AOPEP: variants seen among roughly 807,000 people sequenced by gnomAD.
AOPEP encodes aminopeptidase O.
Under a neutral mutation model 98.1 loss-of-function variants are expected in AOPEP, and 77 were observed. That is an observed-to-expected ratio of 0.78 (90% CI 0.65 to 0.95). The LOEUF (loss-of-function observed/expected upper bound fraction) is 0.95. Among genes scored for constraint, AOPEP ranks in the 40% least tolerant of loss-of-function variants. The pLI, the probability that AOPEP is intolerant of heterozygous loss-of-function variation, is 0.00. For missense variants in AOPEP, 1,024 were observed against 1,024.7 expected (o/e 1.00, Z 0.01); for synonymous variants, 346 against 365.3 (o/e 0.95, Z 0.60).
chr9:95,125,250 A>G, the AOPEP span: 450 of 1,312,298 alleles, frequency 3.4e-4, 9 homozygotes, highest in South Asian at 5.2e-3. Flanking sequence ...GAAAACCTGC[A>G]CTGTATAAGG....
chr9:94,943,540 G>A (rs1180091029), intron 7 of AOPEP, among the ~76,000 whole-genome samples: 1 of 151,592 alleles, frequency 6.6e-6, no homozygotes, highest in African/African-American at 2.4e-5. Flanking sequence ...GTTGCAGTGA[G>A]CTGAGATCGT....
At chr9:94,962,620 A>G (rs148520342) in intron 9 of AOPEP, among the ~76,000 whole-genome samples, 2 of 152,138 alleles carry the variant, frequency 1.3e-5, no homozygotes, top group East Asian at 1.9e-4. Context: ...ATGAAGGTCT[A>G]TGATCCAGTT....
At chr9:94,896,910 G>GT (rs55947017) in intron 5 of AOPEP, among the ~76,000 whole-genome samples, 2,584 of 115,870 alleles carry the variant, frequency 0.022, 83 homozygotes, top group African/African-American at 0.071. Context: ...ACTTTTGTGG[G>GT]TTTTTTTTTT....
downstream of AOPEP, among the ~76,000 whole-genome samples, chr9:95,087,735 T>C: frequency 6.6e-6 from 1 of 152,172 alleles, no homozygotes; most frequent in South Asian, 2.1e-4. Flanking sequence ...GTTTAGGGTA[T>C]AGACAGAAGC....
rs572134268 is a variant in AOPEP, at chr9:95,086,788, C to T, written c.*111C>T. 5 of 988,020 alleles carry T rather than the reference C, an allele frequency of 5.1e-6. No homozygotes were observed. The highest frequency in any genetic ancestry group is 1.1e-4 in the East Asian group (1 of 8,780). 61.2% of individuals were successfully genotyped at this position (988,020 alleles called of 1,614,324 possible). A position where few individuals can be genotyped will look rare whatever the true frequency, so the allele number is the denominator to read the frequency against. On this transcript the variant is annotated 3_prime_UTR_variant, in exon 17 of 17. Transcript: ENST00000375315. ...GGGATTATGTGGCTGCTAAAGCCATCGGCCCACAGCCCTGTTCACATCTTG... is the reference window on the plus strand; with the variant it reads ...GGGATTATGTGGCTGCTAAAGCCATTGGCCCACAGCCCTGTTCACATCTTG...
intron 3 of AOPEP, among the ~76,000 whole-genome samples, chr9:94,778,317 T>G (rs569627235): frequency 7.0e-4 from 106 of 152,246 alleles, no homozygotes; most frequent in African/African-American, 2.5e-3. Context: ...AATGAAAACC[T>G]ACGTCCACAA....
chr9:95,041,214 T>A (rs1037894665), intron 13 of AOPEP, among the ~76,000 whole-genome samples: 4 of 152,214 alleles, frequency 2.6e-5, no homozygotes, highest in African/African-American at 9.6e-5. Context: ...AGTTTTCATG[T>A]ATGTGAGTGA....
intron 9 of AOPEP, among the ~76,000 whole-genome samples, chr9:94,965,977 T>C (rs910154869): frequency 6.7e-6 from 1 of 150,370 alleles, no homozygotes; most frequent in African/African-American, 2.5e-5. Context: ...TTGGTTCTAT[T>C]GGGAGGCTTC....
At chr9:95,088,776 G>T (rs939819169), downstream of AOPEP, among the ~76,000 whole-genome samples, 1 of 152,250 alleles carries the variant, frequency 6.6e-6, no homozygotes, top group Non-Finnish European at 1.5e-5. Flanking sequence ...AATAGGTGGG[G>T]TTCTGCACAA....
chr9:94,780,113 G>GTAA (rs1842951386), intron 3 of AOPEP, among the ~76,000 whole-genome samples: 1 of 152,132 alleles, frequency 6.6e-6, no homozygotes, highest in Non-Finnish European at 1.5e-5. Context: ...AGTTTTATTG[G>GTAA]ATCATGGCCA....
intron 10 of AOPEP, among the ~76,000 whole-genome samples, chr9:94,977,264 A>G (rs1296331720): frequency 6.6e-6 from 1 of 152,142 alleles, no homozygotes; most frequent in Non-Finnish European, 1.5e-5. Context: ...GCTGCTGGAC[A>G]TGCCCCTGGA....
At chr9:94,813,163 T>A (rs2134013161) in intron 5 of AOPEP, among the ~76,000 whole-genome samples, 1 of 152,278 alleles carries the variant, frequency 6.6e-6, no homozygotes, top group East Asian at 1.9e-4. Flanking sequence ...ATTATTAGGT[T>A]GATTTATAGC....
intron 6 of AOPEP, among the ~76,000 whole-genome samples, chr9:94,926,834 A>G (rs1021142589): frequency 2.0e-5 from 3 of 152,172 alleles, no homozygotes; most frequent in African/African-American, 7.2e-5. Flanking sequence ...TGAAATCTCA[A>G]CAAGGTGATG....
the AOPEP span, among the ~76,000 whole-genome samples, chr9:95,143,921 C>T: frequency 6.6e-6 from 1 of 152,166 alleles, no homozygotes; most frequent in African/African-American, 2.4e-5. Flanking sequence ...TAAAGAGGGG[C>T]AAGCATCTGC....
At chr9:94,909,346 TA>T (rs3052031) in intron 5 of AOPEP, among the ~76,000 whole-genome samples, 1,341 of 81,998 alleles carry the variant, frequency 0.016, 16 homozygotes, top group African/African-American at 0.056. Context: ...TTTGGAGCCT[TA>T]AAAAAAAAAA....
At chr9:94,968,143 T>C (rs2059321047) in intron 10 of AOPEP, among the ~76,000 whole-genome samples, 1 of 152,226 alleles carries the variant, frequency 6.6e-6, no homozygotes, top group Non-Finnish European at 1.5e-5. Flanking sequence ...TAATGTGGCT[T>C]AATGCAAGGA....
At chr9:94,796,234 C>G (rs1588257264) in intron 4 of AOPEP, among the ~76,000 whole-genome samples, 2 of 151,930 alleles carry the variant, frequency 1.3e-5, no homozygotes, top group Admixed American at 1.3e-4. Flanking sequence ...CTCCCATGCC[C>G]CCTTCCATGT....
chr9:95,027,311 G>A (rs1029120264), intron 13 of AOPEP, among the ~76,000 whole-genome samples: 1 of 152,068 alleles, frequency 6.6e-6, no homozygotes, highest in Admixed American at 6.6e-5. Flanking sequence ...AAATAAACTT[G>A]TAGTCTTTGA....
chr9:94,829,581 C>T (rs761298640), intron 5 of AOPEP, among the ~76,000 whole-genome samples: 23 of 152,190 alleles, frequency 1.5e-4, no homozygotes, highest in Non-Finnish European at 3.2e-4. Context: ...GGCAGTTTCC[C>T]TCAGCAGCTG....
Sources: allele counts gnomAD v4.1 joint callset (sites outside exome capture counted in the v4.1 genomes callset), GRCh38; gene constraint gnomAD v4.1.1; transcripts MANE v1.5; gene names NCBI Gene and HGNC (gene_info 2026-07-23, HGNC 2026-07-21).